The following CLIC5 variants were observed in gnomAD, a reference collection of about 807,000 sequenced individuals.
The protein encoded by CLIC5 is CLIC family member 5, also known as chloride intracellular channel protein 5.
A neutral mutation model predicts 24.7 loss-of-function variants in CLIC5; 20 were observed. The ratio of observed to expected loss-of-function variants is 0.81; its 90% confidence interval spans 0.57 to 1.18. The LOEUF (loss-of-function observed/expected upper bound fraction) is 1.18. Among genes scored for constraint, CLIC5 ranks in the 50% most tolerant of loss-of-function variants. CLIC5 has a pLI of 0.00. For synonymous variants in CLIC5, 159 were observed against 135.6 expected, an observed-to-expected ratio of 1.17 and a Z score of -1.20; for missense variants, 341 against 326.1, an observed-to-expected ratio of 1.05 and a Z score of -0.35.
intron 1 of CLIC5, among the ~76,000 whole-genome samples, chr6:45,972,075 C>T (rs1346354142): frequency 6.6e-6 from 1 of 152,110 alleles, no homozygotes; most frequent in Admixed American, 6.5e-5. Context: ...AGAGACATAC[C>T]AAAGGGCAGA....
At chr6:45,889,902 T>C (rs569370580) in intron 6 of CLIC5, among the ~76,000 whole-genome samples, 1 of 152,290 alleles carries the variant, frequency 6.6e-6, no homozygotes, top group African/African-American at 2.4e-5. Context: ...CTATTAAAAG[T>C]AGACCAGTTA....
chr6:46,085,418 G>A, the CLIC5 span, among the ~76,000 whole-genome samples: 1 of 152,062 alleles, frequency 6.6e-6, no homozygotes, highest in African/African-American at 2.4e-5. Context: ...TCTACTTTTG[G>A]TCTTTGATGA....
At chr6:45,972,317 CTG>C (rs1428262933) in intron 1 of CLIC5, among the ~76,000 whole-genome samples, 1 of 152,212 alleles carries the variant, frequency 6.6e-6, no homozygotes, top group East Asian at 1.9e-4. Flanking sequence ...CACGAGTTCT[CTG>C]TGAGGATCAA....
intron 5 of CLIC5, chr6:45,913,683 A>G (rs1410601392): frequency 2.6e-6 from 2 of 771,412 alleles, no homozygotes; most frequent in Admixed American, 8.7e-5. Context: ...CATGCTGCAA[A>G]TGGTTAGTAA....
At chr6:46,068,004 T>A (rs1471555967) in intron 1 of CLIC5, among the ~76,000 whole-genome samples, 1 of 152,130 alleles carries the variant, frequency 6.6e-6, no homozygotes, top group African/African-American at 2.4e-5. Flanking sequence ...GATGAAATCA[T>A]CCTGAGTTAA....
intron 2 of CLIC5, among the ~76,000 whole-genome samples, chr6:45,949,886 C>T (rs1003572152): frequency 1.3e-5 from 2 of 152,146 alleles, no homozygotes; most frequent in African/African-American, 4.8e-5. Context: ...TTGTGTGTAA[C>T]TTATATTTTA....
intron 4 of CLIC5, chr6:45,920,030 CT>C: frequency 3.4e-6 from 1 of 290,732 alleles, no homozygotes; most frequent in Non-Finnish European, 5.1e-6. Context: ...CCCATCACTC[CT>C]TGGGTATTCA....
the CLIC5 span, among the ~76,000 whole-genome samples, chr6:46,112,243 C>T: frequency 6.6e-6 from 1 of 152,160 alleles, no homozygotes; most frequent in Admixed American, 6.5e-5. Flanking sequence ...CAGCTTTTCT[C>T]TGAGGCCTTC....
intron 4 of CLIC5, among the ~76,000 whole-genome samples, chr6:45,916,652 T>C (rs1014451816): frequency 6.6e-6 from 1 of 152,160 alleles, no homozygotes; most frequent in Non-Finnish European, 1.5e-5. Context: ...TGTCACCAGG[T>C]CTGGGAAATA....
At chr6:45,921,921 A>G (rs1392440878) in intron 4 of CLIC5, among the ~76,000 whole-genome samples, 1 of 152,204 alleles carries the variant, frequency 6.6e-6, no homozygotes, top group African/African-American at 2.4e-5. Context: ...ATGTTGTCAA[A>G]TTGGCCCTGG....
rs528589796 is a variant in CLIC5, at chr6:46,056,241, T to C, written c.540+23462A>G. Reference sequence around the variant, plus strand: ...CTCTTGTATGGTGTTTTTTGAGGGGTCTTCTTTCCCTGTTGCTTAAATGTT... The same window carrying C: ...CTCTTGTATGGTGTTTTTTGAGGGGCCTTCTTTCCCTGTTGCTTAAATGTT... On this transcript the variant is annotated intron_variant, in intron 1 of 5. Transcript: ENST00000185206. Among the ~76,000 whole-genome samples, 91 of 152,044 alleles carry C rather than the reference T, an allele frequency of 6.0e-4. 1 individual carries two copies. The South Asian group carries it at 0.018, about 30-fold the overall frequency.
chr6:46,038,777 T>C (rs1389763120), intron 1 of CLIC5, among the ~76,000 whole-genome samples: 1 of 152,204 alleles, frequency 6.6e-6, no homozygotes, highest in Non-Finnish European at 1.5e-5. Context: ...TCCTAGTTTA[T>C]ACTAATTTAG....
At chr6:46,100,447 G>T in the CLIC5 span, among the ~76,000 whole-genome samples, 1 of 152,108 alleles carries the variant, frequency 6.6e-6, no homozygotes, top group African/African-American at 2.4e-5. Context: ...ACCTTGGTGG[G>T]GTCAGTGGAT....
intron 3 of CLIC5, 25 bp from the exon 4 acceptor site, chr6:45,941,678 G>A (rs1278756102): frequency 1.3e-6 from 2 of 1,550,684 alleles, no homozygotes; most frequent in South Asian, 2.2e-5. Context: ...GCAGTGTTCT[G>A]TGAATCAGTA....
intron 1 of CLIC5, among the ~76,000 whole-genome samples, chr6:46,049,642 G>C (rs1185872877): frequency 6.6e-6 from 1 of 152,130 alleles, no homozygotes; most frequent in African/African-American, 2.4e-5. Flanking sequence ...CCTGGCTGTG[G>C]GAATAGGCAG....
chr6:45,884,102 G>A (rs1762283879), intron 6 of CLIC5, among the ~76,000 whole-genome samples: 1 of 152,222 alleles, frequency 6.6e-6, no homozygotes, highest in Non-Finnish European at 1.5e-5. Flanking sequence ...CAGAAGCTCA[G>A]TGATGCCTCC....
the CLIC5 span, among the ~76,000 whole-genome samples, chr6:46,126,373 C>A: frequency 3.9e-5 from 6 of 152,154 alleles, no homozygotes; most frequent in Admixed American, 3.9e-4. Context: ...ACATTGCTCT[C>A]CACATAGGAA....
chr6:46,008,355 A>T (rs1247080339), intron 1 of CLIC5, among the ~76,000 whole-genome samples: 4 of 152,100 alleles, frequency 2.6e-5, no homozygotes, highest in Non-Finnish European at 5.9e-5. Context: ...AATCCTGATC[A>T]TTCTTCAAGA....
chr6:45,917,354 G>A (rs554144079), intron 4 of CLIC5, among the ~76,000 whole-genome samples: 199 of 152,290 alleles, frequency 1.3e-3, no homozygotes, highest in African/African-American at 4.6e-3. Flanking sequence ...TGTTGCTATT[G>A]CCTTACCAAA....
Sources: gnomAD v4.1 joint callset for allele counts (sites outside exome capture counted in the v4.1 genomes callset) on GRCh38, gnomAD v4.1.1 for gene constraint, MANE v1.5 for transcripts, NCBI Gene and HGNC (gene_info 2026-07-23, HGNC 2026-07-21) for gene names.